PRR16: variants seen among roughly 807,000 people sequenced by gnomAD.
PRR16 encodes the protein proline rich 16.
In PRR16, 6 loss-of-function variants were observed where a neutral mutation model predicts 18.2. The observed-to-expected ratio is 0.33, with a 90% CI of 0.18 to 0.65. The LOEUF (loss-of-function observed/expected upper bound fraction) is 0.65. PRR16 is among the 30% of genes least tolerant of loss of function. The pLI is 0.74. For missense variants in PRR16, 412 were observed against 376.6 expected (o/e 1.09, Z -0.78); for synonymous variants, 151 against 147.8 (o/e 1.02, Z -0.16).
intron 1 of PRR16, among the ~76,000 whole-genome samples, chr5:120,646,150 A>G (rs1044797350): frequency 6.7e-6 from 1 of 149,996 alleles, no homozygotes; most frequent in African/African-American, 2.4e-5. Flanking sequence ...GTTTACAGGC[A>G]GGGGAAAATG....
intron 1 of PRR16, among the ~76,000 whole-genome samples, chr5:120,667,506 G>C (rs1561604542): frequency 6.6e-6 from 1 of 151,440 alleles, no homozygotes; most frequent in African/African-American, 2.4e-5. Context: ...GCTTTTGAAT[G>C]TGTTTGCTCT....
At chr5:120,561,463 T>C (rs879826107) in intron 1 of PRR16, among the ~76,000 whole-genome samples, 2 of 152,184 alleles carry the variant, frequency 1.3e-5, no homozygotes, top group South Asian at 2.1e-4. Context: ...TCTCATTTCA[T>C]TGTGGTCAGA....
intron 1 of PRR16, among the ~76,000 whole-genome samples, chr5:120,491,706 T>G: frequency 6.6e-6 from 1 of 151,830 alleles, no homozygotes; most frequent in East Asian, 1.9e-4. Flanking sequence ...ACCACACCCA[T>G]CTAATTTTTG....
chr5:120,578,763 A>T lies in PRR16; in HGVS notation c.160-107191A>T, dbSNP rs151331970. 9.4e-3 allele frequency among the ~76,000 whole-genome samples: 1,429 copies of T among 152,256 alleles called. 8 individuals are homozygous for T. The highest frequency in any genetic ancestry group is 0.014 in the Non-Finnish European group (968 of 68,032). On this transcript the variant is annotated intron_variant, in intron 1 of 1. Coordinates refer to ENST00000407149, the MANE Select transcript of PRR16 (RefSeq NM_001300783.2). ...TTTATATTCCTTTGGGTATATAGAC[A>T]ATAATGGGATTGCTGGGTGAAATGG... is the stretch of plus-strand genomic sequence containing the variant.
chr5:120,564,211 G>T (rs749397855), intron 1 of PRR16, among the ~76,000 whole-genome samples: 1 of 152,104 alleles, frequency 6.6e-6, no homozygotes, highest in African/African-American at 2.4e-5. Context: ...CAACGCCTTC[G>T]GTTGGGGGAG....
At chr5:120,750,523 C>G in the PRR16 span, among the ~76,000 whole-genome samples, 8 of 151,878 alleles carry the variant, frequency 5.3e-5, no homozygotes. Context: ...AAAAATTAGC[C>G]CAGTGTGGTG....
rs575194946 is a variant in PRR16, at chr5:120,497,334, G to A, written c.159+32689G>A. On this transcript the variant is annotated intron_variant, in intron 1 of 1. Transcript: ENST00000407149. ...ACTATAATTGTGTTTTTTTTTTCTC[G>A]TTTTCCTTTTAGTTCTATCAGTTTT... Among the ~76,000 whole-genome samples the A allele has an allele frequency of 1.3e-4, 18 of 135,110 alleles. No individual in the cohort carries two copies. The South Asian group carries it at 2.8e-3, about 21-fold the overall frequency. The allele number at this position is 135,110 out of a possible 152,430, so 88.6% of individuals were successfully genotyped here.
the PRR16 span, among the ~76,000 whole-genome samples, chr5:120,765,072 ATATT>A: frequency 2.0e-5 from 3 of 150,684 alleles, no homozygotes; most frequent in South Asian, 2.1e-4. Context: ...GAAACCTGAC[ATATT>A]TATTTTGATT....
chr5:120,717,185 T>G, the PRR16 span, among the ~76,000 whole-genome samples: 29,232 of 152,140 alleles, frequency 0.19, 3,422 homozygotes, highest in Non-Finnish European at 0.25. Context: ...AGTTATAGAT[T>G]AATGGATGAA....
the PRR16 span, chr5:120,790,174 TG>T: frequency 6.6e-6 from 1 of 151,966 alleles, no homozygotes; most frequent in African/African-American, 2.4e-5. Context: ...AGCAGAGCCT[TG>T]GGGGTAAAAA....
intron 1 of PRR16, among the ~76,000 whole-genome samples, chr5:120,506,498 C>T (rs957034430): frequency 5.3e-5 from 8 of 151,946 alleles, no homozygotes; most frequent in Admixed American, 6.6e-5. Context: ...ACATGATTAA[C>T]GGTGGCTTAA....
chr5:120,774,046 C>A, the PRR16 span, among the ~76,000 whole-genome samples: 4 of 142,094 alleles, frequency 2.8e-5, no homozygotes, highest in South Asian at 2.2e-4. Context: ...TACTAACTAG[C>A]TTTTATAATG....
chr5:120,783,322 C>A, the PRR16 span, among the ~76,000 whole-genome samples: 1 of 151,946 alleles, frequency 6.6e-6, no homozygotes, highest in Admixed American at 6.6e-5. Flanking sequence ...TGAAGTGCAC[C>A]CATAAATGAC....
chr5:120,793,394 G>A, the PRR16 span, among the ~76,000 whole-genome samples: 1 of 152,114 alleles, frequency 6.6e-6, no homozygotes, highest in African/African-American at 2.4e-5. Flanking sequence ...CACATGTCCA[G>A]TGGCTCTAAC....
chr5:120,649,393 G>C (rs1183230703), intron 1 of PRR16, among the ~76,000 whole-genome samples: 1 of 152,130 alleles, frequency 6.6e-6, no homozygotes, highest in Non-Finnish European at 1.5e-5. Context: ...AAGATCAAGA[G>C]TAATTTTACC....
intron 1 of PRR16, among the ~76,000 whole-genome samples, chr5:120,671,286 T>C (rs1255298441): frequency 6.6e-6 from 1 of 152,150 alleles, no homozygotes; most frequent in Non-Finnish European, 1.5e-5. Context: ...GAGTTTCTTT[T>C]TTTCTTTCTT....
intron 1 of PRR16, among the ~76,000 whole-genome samples, chr5:120,667,502 G>C (rs1310352404): frequency 1.7e-4 from 26 of 151,112 alleles, no homozygotes; most frequent in Admixed American, 1.5e-3. Context: ...GCTAGCTTTT[G>C]AATGTGTTTG....
the PRR16 span, among the ~76,000 whole-genome samples, chr5:120,785,575 G>GTTTTTTTTTTTTTTTTTTTTTTT: frequency 8.7e-6 from 1 of 115,388 alleles, no homozygotes; most frequent in African/African-American, 3.4e-5. Flanking sequence ...TGTTGTTGTT[G>GTTTTTTTTTTTTTTTTTTTTTTT]TTTTTTTTTT....
intron 1 of PRR16, among the ~76,000 whole-genome samples, chr5:120,612,111 T>C (rs560705560): frequency 6.6e-6 from 1 of 152,278 alleles, no homozygotes; most frequent in African/African-American, 2.4e-5. Flanking sequence ...AACCCCTTTG[T>C]TTTGGCCAAT....
Sources: allele counts gnomAD v4.1 joint callset (sites outside exome capture counted in the v4.1 genomes callset), GRCh38; gene constraint gnomAD v4.1.1; transcripts MANE v1.5; gene names NCBI Gene and HGNC (gene_info 2026-07-23, HGNC 2026-07-21).